The following FLNB variants were observed in gnomAD, a reference collection of about 807,000 sequenced individuals.
The protein encoded by FLNB is filamin-B.
In FLNB, 111 loss-of-function variants were observed where a neutral mutation model predicts 250.6. The ratio of observed to expected loss-of-function variants is 0.44; its 90% CI spans 0.38 to 0.52. The LOEUF is 0.52. Among genes scored for constraint, FLNB ranks in the 20% least tolerant of loss-of-function variants. FLNB has a pLI of 0.00. For synonymous variants in FLNB, 1,302 were observed against 1,372.1 expected (o/e 0.95, Z 1.13); for missense variants, 2,869 against 3,447.8 (o/e 0.83, Z 4.20).
chr3:58,149,332 C>A, intron 36 of FLNB: 1 of 253,764 alleles, frequency 3.9e-6, no homozygotes. Flanking sequence ...CAGTCATCTG[C>A]TTTCTTGAAG....
rs190027875 is a variant in FLNB, at chr3:58,167,042, C to T, written c.7199-1398C>T. Among the ~76,000 whole-genome samples, 421 of 151,774 alleles carry T rather than the reference C, an allele frequency of 2.8e-3. 4 individuals carry two copies. The highest frequency in any genetic ancestry group is 9.8e-3 in the African/African-American group (407 of 41,372). ...AATCAGGAAGCTGAAGCAGGAGAATCGCTTGAACCTGGGAGGCGGAGGTTG... is the reference window on the plus strand; with the variant it reads ...AATCAGGAAGCTGAAGCAGGAGAATTGCTTGAACCTGGGAGGCGGAGGTTG... On this transcript the variant is annotated intron_variant, in intron 43 of 45. Transcript: ENST00000295956.
intron 4 of FLNB, among the ~76,000 whole-genome samples, chr3:58,085,073 G>A (rs973775595): frequency 6.6e-6 from 1 of 152,010 alleles, no homozygotes; most frequent in East Asian, 1.9e-4. Context: ...TTATACATTC[G>A]TCTGCTGATA....
chr3:58,112,664 TAC>T (rs908336554), intron 18 of FLNB, among the ~76,000 whole-genome samples: 50 of 151,998 alleles, frequency 3.3e-4, no homozygotes, highest in Middle Eastern at 3.4e-3. Context: ...CACACACACA[TAC>T]ACACACACAC....
Position 58,043,799 on chromosome 3 carries a change from T to G in FLNB, c.293-33247T>G, listed in dbSNP as rs533161044. On this transcript the variant is annotated intron_variant, in intron 1 of 45. Coordinates refer to ENST00000295956, the MANE Select transcript of FLNB (RefSeq NM_001457.4). ...AATTATGTGCCCAGCTCTGAGCCAA[T>G]GGCTGTGCTTAGGAGGCTCCTGTCT... is the stretch of plus-strand genomic sequence containing the variant. Among the ~76,000 whole-genome samples the G allele has an allele frequency of 3.3e-5, 5 of 152,336 alleles. No individual in the cohort carries two copies. In the East Asian group the frequency reaches 9.6e-4, roughly 29 times the overall value.
intron 1 of FLNB, among the ~76,000 whole-genome samples, chr3:58,067,628 G>T (rs1380330459): frequency 1.4e-5 from 2 of 140,102 alleles, no homozygotes; most frequent in Non-Finnish European, 3.0e-5. Context: ...ACAGAATCTC[G>T]CTCTGTCGCC....
chr3:58,037,267 G>C (rs1430353405), intron 1 of FLNB, among the ~76,000 whole-genome samples: 1 of 152,096 alleles, frequency 6.6e-6, no homozygotes, highest in African/African-American at 2.4e-5. Flanking sequence ...GTTTCGCCAT[G>C]TTGGCCAGGC....
chr3:58,067,485 T>C (rs2097187339), intron 1 of FLNB, among the ~76,000 whole-genome samples: 1 of 152,216 alleles, frequency 6.6e-6, no homozygotes, highest in African/African-American at 2.4e-5. Context: ...ATGTTTTCTC[T>C]TACCAATTGA....
intron 1 of FLNB, among the ~76,000 whole-genome samples, chr3:58,069,753 G>C (rs2097191364): frequency 6.6e-6 from 1 of 152,146 alleles, no homozygotes; most frequent in African/African-American, 2.4e-5. Flanking sequence ...CCTCCCTTTG[G>C]AGCAGGAGAG....
At chr3:58,088,535 G>A (rs1234731442) in intron 4 of FLNB, among the ~76,000 whole-genome samples, 2 of 152,192 alleles carry the variant, frequency 1.3e-5, no homozygotes, top group African/African-American at 2.4e-5. Context: ...GGGATCTTGG[G>A]ACTCGAGGAA....
chr3:58,094,550 G>A (rs1173279942), intron 4 of FLNB, among the ~76,000 whole-genome samples: 1 of 152,194 alleles, frequency 6.6e-6, no homozygotes, highest in Non-Finnish European at 1.5e-5. Flanking sequence ...CTTCCATCAA[G>A]GCAAGCTCTG....
rs1329318214 is a variant in FLNB, at chr3:58,130,866, G to C, written c.4348G>C (p.Ala1450Pro). The change falls in exon 25 of 46, where the codon GCT becomes CCT. Residue 1450 changes from alanine (A) to proline (P), a missense_variant. By Grantham distance (27) the Ala-to-Pro change is conservative (BLOSUM62 -1). Transcript: ENST00000295956. ...GTCCTTCACGGTGGACAGCAGCAAG[G>C]CTGGCCTGGCTCCGCTGGAAGTGAG... ...LQSFTVDSSK[A>P]GLAPLEVRVL... 1.2e-6 allele frequency: 2 copies of C among 1,613,014 alleles called. No homozygotes were observed. The highest frequency in any genetic ancestry group is 2.2e-5 in the East Asian group (1 of 44,870).
chr3:58,112,332 C>T lies in FLNB; in HGVS notation c.2745+14C>T. The T allele has an allele frequency of 6.2e-7, 1 of 1,611,728 alleles. No homozygotes were observed. Among genetic ancestry groups the T allele is most frequent in the Non-Finnish European group, 8.5e-7 (1 of 1,179,088 alleles). ...CCCACCCAACAGGTAGGGTCCTTCT[C>T]CCCTCTGCTCCCCTGGCCCCCAGCC... On this transcript the variant is annotated intron_variant, in intron 18 of 45. Coordinates refer to ENST00000295956, the MANE Select transcript of FLNB (RefSeq NM_001457.4).
chr3:58,012,083 C>T (rs1405657298), intron 1 of FLNB, among the ~76,000 whole-genome samples: 1 of 151,856 alleles, frequency 6.6e-6, no homozygotes, highest in Non-Finnish European at 1.5e-5. Context: ...TGGTGGTGCA[C>T]ACCTGTAGTC....
intron 1 of FLNB, among the ~76,000 whole-genome samples, chr3:58,050,021 C>CTTTTTTTTTTTTTTTTTTTT (rs34910480): frequency 7.7e-6 from 1 of 130,480 alleles, no homozygotes. Flanking sequence ...TAGAAAATGC[C>CTTTTTTTTTTTTTTTTTTTT]TTTTTTTTTT....
rs1183350891 is a variant in FLNB, at chr3:58,134,643, A to G, written c.4542A>G (p.Thr1514=). The change falls in exon 27 of 46, where the codon ACA becomes ACG. Residue 1514 remains threonine, a synonymous_variant. Transcript: ENST00000295956. ...RSPFKVKVLP[T]YDASKVTASG... The stretch of plus-strand genomic sequence containing the variant: ...CCTTCAAGGTCAAGGTCCTTCCCAC[A>G]TATGATGCCAGCAAAGTGACTGCCA... 1 of 1,614,152 alleles carries G rather than the reference A, an allele frequency of 6.2e-7. No homozygotes were observed. The highest frequency in any genetic ancestry group is 1.6e-4 in the Middle Eastern group (1 of 6,062).
intron 6 of FLNB, among the ~76,000 whole-genome samples, chr3:58,096,977 TG>T (rs1291977688): frequency 7.2e-5 from 11 of 152,216 alleles, no homozygotes; most frequent in Middle Eastern, 3.4e-3. Flanking sequence ...CTCTTTGTCT[TG>T]GCAGCCTTTC....
intron 1 of FLNB, among the ~76,000 whole-genome samples, chr3:58,026,161 CT>C (rs1309443757): frequency 6.6e-6 from 1 of 152,168 alleles, no homozygotes; most frequent in African/African-American, 2.4e-5. Context: ...TTCAGGGCTT[CT>C]TGGAGGAGGG....
intron 1 of FLNB, among the ~76,000 whole-genome samples, chr3:58,045,864 G>A (rs1559655262): frequency 6.6e-6 from 1 of 152,160 alleles, no homozygotes; most frequent in East Asian, 1.9e-4. Context: ...GCCGGGCGTG[G>A]TAGTGTACGC....
chr3:58,063,061 T>C (rs1350040348), intron 1 of FLNB, among the ~76,000 whole-genome samples: 1 of 152,104 alleles, frequency 6.6e-6, no homozygotes, highest in Admixed American at 6.5e-5. Flanking sequence ...ATTTTGCAGG[T>C]GAGGACACTG....
Sources: allele counts gnomAD v4.1 joint callset (sites outside exome capture counted in the v4.1 genomes callset), GRCh38; gene constraint gnomAD v4.1.1; transcripts MANE v1.5; gene names NCBI Gene and HGNC (gene_info 2026-07-23, HGNC 2026-07-21).